The following RSU1 variants were observed in gnomAD, a reference collection of about 807,000 sequenced individuals.
The protein encoded by RSU1 is Ras suppressor protein 1, also known as rsu-1.
In RSU1, 26 loss-of-function variants were observed where a neutral mutation model predicts 31.1. That is an observed-to-expected ratio of 0.84 (90% confidence interval 0.61 to 1.16). The LOEUF (loss-of-function observed/expected upper bound fraction) is 1.16. RSU1 is among the 50% of genes most tolerant of loss of function. The pLI is 0.00. For missense variants in RSU1, 320 were observed against 339.1 expected (o/e 0.94, Z 0.44); for synonymous variants, 164 against 136.3 (o/e 1.20, Z -1.41).
At chr10:16,733,397 A>G (rs537919239) in intron 7 of RSU1, among the ~76,000 whole-genome samples, 2 of 151,136 alleles carry the variant, frequency 1.3e-5, no homozygotes, top group African/African-American at 4.9e-5. Flanking sequence ...AATCCCAGCT[A>G]CTCAAGAGGC....
At chr10:16,736,112 C>T (rs1027526439) in intron 7 of RSU1, among the ~76,000 whole-genome samples, 2 of 152,054 alleles carry the variant, frequency 1.3e-5, no homozygotes, top group Non-Finnish European at 2.9e-5. Context: ...GCAAGGAGGG[C>T]ATAGCAGGAA....
intron 7 of RSU1, among the ~76,000 whole-genome samples, chr10:16,697,464 A>G (rs1000127618): frequency 2.0e-5 from 3 of 152,090 alleles, no homozygotes; most frequent in Non-Finnish European, 2.9e-5. Flanking sequence ...CCAGACCACA[A>G]GGCAATTTGG....
At chr10:16,728,885 C>A (rs979116319) in intron 7 of RSU1, among the ~76,000 whole-genome samples, 2 of 152,198 alleles carry the variant, frequency 1.3e-5, no homozygotes, top group African/African-American at 4.8e-5. Context: ...AGGAGCCATT[C>A]TCCTCTAGAG....
At chr10:16,610,989 G>A (rs1484375536) in intron 8 of RSU1, among the ~76,000 whole-genome samples, 1 of 152,150 alleles carries the variant, frequency 6.6e-6, no homozygotes, top group African/African-American at 2.4e-5. Context: ...CCTGAAGCCC[G>A]TAAATGCTAC....
intron 7 of RSU1, 22 bp from the exon 8 acceptor site, chr10:16,695,177 G>GC: frequency 8.1e-7 from 1 of 1,229,384 alleles, no homozygotes. Context: ...GAAAAAAAAA[G>GC]TGAAGGTCAC....
chr10:16,733,421 T>C (rs957163562), intron 7 of RSU1, among the ~76,000 whole-genome samples: 1 of 151,006 alleles, frequency 6.6e-6, no homozygotes, highest in East Asian at 1.9e-4. Flanking sequence ...GGCAGGAGTG[T>C]TGCCTGAACC....
At chr10:16,671,981 T>C (rs1440663050) in intron 8 of RSU1, among the ~76,000 whole-genome samples, 2 of 151,660 alleles carry the variant, frequency 1.3e-5, no homozygotes, top group African/African-American at 2.4e-5. Context: ...GATTATCTTA[T>C]TTTACAGTTT....
intron 2 of RSU1, among the ~76,000 whole-genome samples, chr10:16,784,856 T>A (rs1178622478): frequency 6.6e-6 from 1 of 152,142 alleles, no homozygotes. Flanking sequence ...ATGGGAGCTA[T>A]AATTCAAGAT....
chr10:16,608,987 C>G lies in RSU1; in HGVS notation c.732-15491G>C, dbSNP rs1005952134. 3.9e-5 allele frequency among the ~76,000 whole-genome samples: 6 copies of G among 152,054 alleles called. No individual in the cohort carries two copies. The East Asian group carries it at 7.7e-4, about 20-fold the overall frequency. On this transcript the variant is annotated intron_variant, in intron 8 of 8. Coordinates refer to ENST00000345264, the MANE Select transcript of RSU1 (RefSeq NM_012425.4). ...TGCTGGGACTACAGGTGTGCATCATCATGTCTGGCTGATTTTTAAATATTT... is the reference window on the plus strand; with the variant it reads ...TGCTGGGACTACAGGTGTGCATCATGATGTCTGGCTGATTTTTAAATATTT...
intron 8 of RSU1, among the ~76,000 whole-genome samples, chr10:16,633,300 C>T (rs1407968126): frequency 2.0e-5 from 3 of 151,966 alleles, no homozygotes; most frequent in African/African-American, 4.8e-5. Context: ...GAGCATCAGC[C>T]GAACATGGGA....
At chr10:16,756,698 T>G (rs556925987) in intron 4 of RSU1, among the ~76,000 whole-genome samples, 1 of 152,206 alleles carries the variant, frequency 6.6e-6, no homozygotes, top group Non-Finnish European at 1.5e-5. Flanking sequence ...TGTAGGCTAT[T>G]AGGAATTAAG....
At chr10:16,772,096 C>T (rs1837434280) in intron 3 of RSU1, among the ~76,000 whole-genome samples, 2 of 152,158 alleles carry the variant, frequency 1.3e-5, no homozygotes, top group African/African-American at 2.4e-5. Context: ...AAAAATATCC[C>T]CTGGCTTAAC....
At chr10:16,755,719 T>C (rs1837071468) in intron 4 of RSU1, among the ~76,000 whole-genome samples, 2 of 152,158 alleles carry the variant, frequency 1.3e-5, no homozygotes, top group Non-Finnish European at 2.9e-5. Context: ...CTAACTAAAA[T>C]TTCATGTCCT....
At chr10:16,697,032 T>A (rs1464579277) in intron 7 of RSU1, among the ~76,000 whole-genome samples, 2 of 152,162 alleles carry the variant, frequency 1.3e-5, no homozygotes, top group Non-Finnish European at 2.9e-5. Context: ...ATGAATATAA[T>A]ATACATTCCT....
chr10:16,715,044 A>G (rs1174695993), intron 7 of RSU1, among the ~76,000 whole-genome samples: 3 of 152,152 alleles, frequency 2.0e-5, no homozygotes, highest in Non-Finnish European at 4.4e-5. Context: ...ACTGGGGGAG[A>G]CTGTGGCAGA....
At chr10:16,637,590 T>C (rs1298528426) in intron 8 of RSU1, among the ~76,000 whole-genome samples, 3 of 152,184 alleles carry the variant, frequency 2.0e-5, no homozygotes, top group African/African-American at 4.8e-5. Flanking sequence ...CCCTGTTTTT[T>C]AGTTTTGTTC....
chr10:16,662,964 C>CAAAAAA, intron 8 of RSU1, among the ~76,000 whole-genome samples: 1 of 141,306 alleles, frequency 7.1e-6, no homozygotes, highest in Non-Finnish European at 1.5e-5. Context: ...GGGCATCTCT[C>CAAAAAA]AGCAATCTTT....
intron 3 of RSU1, among the ~76,000 whole-genome samples, chr10:16,772,277 CA>C (rs1460554758): frequency 4.6e-5 from 7 of 152,130 alleles, no homozygotes; most frequent in Non-Finnish European, 1.0e-4. Context: ...CATAACCAAA[CA>C]AATTTCCTAA....
At chr10:16,707,319 C>A (rs1051178071) in intron 7 of RSU1, among the ~76,000 whole-genome samples, 1 of 152,100 alleles carries the variant, frequency 6.6e-6, no homozygotes, top group Admixed American at 6.6e-5. Context: ...TCTCCATACT[C>A]TTTTCCATAA....
Sources: allele counts gnomAD v4.1 joint callset (sites outside exome capture counted in the v4.1 genomes callset), GRCh38; gene constraint gnomAD v4.1.1; transcripts MANE v1.5; gene names NCBI Gene and HGNC (gene_info 2026-07-23, HGNC 2026-07-21).